Variants in SORCS1 observed in about 807,000 individuals in gnomAD.
The protein encoded by SORCS1 is VPS10 domain-containing receptor SorCS1.
SORCS1 carries 60 observed loss-of-function variants against 146.1 expected under a neutral mutation model. The ratio of observed to expected loss-of-function variants is 0.41; its 90% CI spans 0.33 to 0.51. SORCS1 has a LOEUF of 0.51. Ranked by LOEUF, SORCS1 falls within the 20% of genes least tolerant of loss-of-function variation. The pLI is 0.21. For synonymous variants in SORCS1, 637 were observed against 584.0 expected (o/e 1.09, Z -1.31); for missense variants, 1,352 against 1,487.6 (o/e 0.91, Z 1.50).
intron 17 of SORCS1, among the ~76,000 whole-genome samples, chr10:106,656,693 G>C (rs752579668): frequency 2.6e-5 from 4 of 151,764 alleles, no homozygotes; most frequent in Non-Finnish European, 5.9e-5. Flanking sequence ...GTGATGGCAA[G>C]ATACAGATGT....
At chr10:107,003,160 C>T (rs1312214112) in intron 1 of SORCS1, among the ~76,000 whole-genome samples, 2 of 151,908 alleles carry the variant, frequency 1.3e-5, no homozygotes, top group Non-Finnish European at 2.9e-5. Flanking sequence ...GAGGCTGTGG[C>T]AGGAGAATCG....
rs982781411 is a variant in SORCS1, at chr10:107,060,809, T to C, written c.558+103160A>G. Among the ~76,000 whole-genome samples the C allele has an allele frequency of 1.3e-5, 2 of 152,228 alleles. No homozygotes were observed. Among genetic ancestry groups the C allele is most frequent in the African/African-American group, 2.4e-5 (1 of 41,458 alleles). On this transcript the variant is annotated intron_variant, in intron 1 of 25. Transcript: ENST00000263054. The surrounding 1 kb of genome is among the most constrained non-coding windows in gnomAD (Gnocchi z 4.1). ...TCTCATACCGTGTCTTTCTTTTCAA[T>C]GAGATTTTTAAGGAGCTTTAAAAAA... is the stretch of plus-strand genomic sequence containing the variant.
chr10:107,083,922 GGAAT>G (rs1432749239), intron 1 of SORCS1, among the ~76,000 whole-genome samples: 2 of 152,038 alleles, frequency 1.3e-5, no homozygotes, highest in Non-Finnish European at 1.5e-5. Flanking sequence ...TGAAATGTAT[GGAAT>G]GCTGTTGGAT....
chr10:106,717,238 G>A (rs1855441212), intron 6 of SORCS1, among the ~76,000 whole-genome samples: 1 of 152,172 alleles, frequency 6.6e-6, no homozygotes, highest in Admixed American at 6.6e-5. Context: ...TTGTTCTACT[G>A]CTCTATTACT....
the SORCS1 span, among the ~76,000 whole-genome samples, chr10:107,173,158 T>C: frequency 6.6e-6 from 1 of 152,178 alleles, no homozygotes; most frequent in African/African-American, 2.4e-5. Context: ...TCTATAACTA[T>C]ACATTAATTT....
At chr10:106,829,750 C>T (rs1226799346) in intron 2 of SORCS1, 77 bp from the exon 3 acceptor site, 4 of 1,061,158 alleles carry the variant, frequency 3.8e-6, no homozygotes, top group East Asian at 2.4e-5. Context: ...GCATGCTTTA[C>T]ACAGTAGAAT....
chr10:106,876,687 GA>G, intron 2 of SORCS1, among the ~76,000 whole-genome samples: 1 of 152,336 alleles, frequency 6.6e-6, no homozygotes, highest in East Asian at 1.9e-4. Flanking sequence ...CAAAATGAGT[GA>G]TGATCTCCTA....
intron 1 of SORCS1, among the ~76,000 whole-genome samples, chr10:107,137,294 G>T (rs1024183221): frequency 6.6e-6 from 1 of 152,156 alleles, no homozygotes; most frequent in Admixed American, 6.5e-5. Flanking sequence ...CTGGGTCCCA[G>T]TCTTTTTTGA....
At chr10:106,829,211 C>T (rs1027889061) in intron 3 of SORCS1, among the ~76,000 whole-genome samples, 11 of 152,230 alleles carry the variant, frequency 7.2e-5, no homozygotes, top group Non-Finnish European at 1.3e-4. Context: ...CAAGGAAAAA[C>T]TGGGACATCA....
chr10:106,977,010 G>A (rs1418276547), intron 1 of SORCS1, among the ~76,000 whole-genome samples: 1 of 152,154 alleles, frequency 6.6e-6, no homozygotes, highest in East Asian at 1.9e-4. Context: ...ACATGTGCAT[G>A]TGTCTTTATA....
At chr10:107,142,696 C>T (rs2485391) in intron 1 of SORCS1, among the ~76,000 whole-genome samples, 8 of 152,162 alleles carry the variant, frequency 5.3e-5, no homozygotes, top group African/African-American at 1.7e-4. Flanking sequence ...GTTTCACCTG[C>T]GGTTCTTCTC....
At chr10:106,923,548 C>G (rs1168544246) in intron 2 of SORCS1, among the ~76,000 whole-genome samples, 1 of 152,168 alleles carries the variant, frequency 6.6e-6, no homozygotes, top group Admixed American at 6.5e-5. Flanking sequence ...AAACTGTTTT[C>G]CAATGTGGCT....
intron 8 of SORCS1, among the ~76,000 whole-genome samples, chr10:106,700,234 G>A (rs1238336283): frequency 6.6e-6 from 1 of 152,102 alleles, no homozygotes; most frequent in African/African-American, 2.4e-5. Flanking sequence ...CCTGGGGTGG[G>A]AATTTCAAAT....
chr10:107,120,935 G>C (rs945623034), intron 1 of SORCS1, among the ~76,000 whole-genome samples: 2 of 152,270 alleles, frequency 1.3e-5, no homozygotes, highest in Admixed American at 1.3e-4. Flanking sequence ...GGAGAAGAGG[G>C]AGATGGGAAT....
At chr10:106,892,394 A>T (rs1384652153) in intron 2 of SORCS1, among the ~76,000 whole-genome samples, 1 of 152,228 alleles carries the variant, frequency 6.6e-6, no homozygotes, top group Non-Finnish European at 1.5e-5. Context: ...CTTCCATCAC[A>T]GCATATTAAC....
intron 5 of SORCS1, among the ~76,000 whole-genome samples, chr10:106,745,065 T>A (rs1309934658): frequency 6.6e-6 from 1 of 152,162 alleles, no homozygotes; most frequent in Admixed American, 6.5e-5. Context: ...AGGGATCCTC[T>A]TGACAATAGC....
intron 1 of SORCS1, among the ~76,000 whole-genome samples, chr10:107,051,475 G>A (rs1281589334): frequency 2.0e-5 from 3 of 152,148 alleles, no homozygotes; most frequent in Non-Finnish European, 2.9e-5. Context: ...GTTTCTAGTT[G>A]TCAACGCCAA....
intron 4 of SORCS1, among the ~76,000 whole-genome samples, chr10:106,770,878 A>G (rs1231238555): frequency 6.6e-6 from 1 of 152,176 alleles, no homozygotes; most frequent in Non-Finnish European, 1.5e-5. Flanking sequence ...GCCTGTTTGT[A>G]TAGGAACTGC....
intron 5 of SORCS1, among the ~76,000 whole-genome samples, chr10:106,758,661 T>A (rs2136230516): frequency 6.6e-6 from 1 of 152,264 alleles, no homozygotes; most frequent in South Asian, 2.1e-4. Flanking sequence ...AACCCTCTCT[T>A]CCATAAACTA....
Sources: gnomAD v4.1 joint callset for allele counts (sites outside exome capture counted in the v4.1 genomes callset) on GRCh38, gnomAD v4.1.1 for gene constraint, Gnocchi (gnomAD v3.1) non-coding constraint, MANE v1.5 for transcripts, NCBI Gene and HGNC (gene_info 2026-07-23, HGNC 2026-07-21) for gene names.